CPNE8: variants seen among roughly 807,000 people sequenced by gnomAD.
The protein encoded by CPNE8 is copine 8.
Under a neutral mutation model 81.5 loss-of-function variants are expected in CPNE8, and 45 were observed. The ratio of observed to expected loss-of-function variants is 0.55; its 90% confidence interval spans 0.44 to 0.71. The LOEUF (loss-of-function observed/expected upper bound fraction) is 0.71. CPNE8 is among the 30% of genes least tolerant of loss of function. The pLI, the probability that CPNE8 is intolerant of heterozygous loss-of-function variation, is 0.00. For missense variants in CPNE8, 594 were observed against 672.1 expected (o/e 0.88, Z 1.28); for synonymous variants, 252 against 226.3 (o/e 1.11, Z -1.02).
intron 16 of CPNE8, among the ~76,000 whole-genome samples, chr12:38,684,880 C>T (rs1041800490): frequency 3.3e-5 from 5 of 151,824 alleles, no homozygotes; most frequent in East Asian, 3.9e-4. Flanking sequence ...TATGTACTAA[C>T]GAAAAAATGA....
intron 10 of CPNE8, among the ~76,000 whole-genome samples, chr12:38,740,079 C>T (rs997382318): frequency 6.6e-6 from 1 of 152,070 alleles, no homozygotes; most frequent in African/African-American, 2.4e-5. Context: ...AACAAAAATC[C>T]CACTGTGAAT....
intron 19 of CPNE8, among the ~76,000 whole-genome samples, chr12:38,662,328 A>G (rs1938977039): frequency 6.6e-6 from 1 of 152,186 alleles, no homozygotes; most frequent in Non-Finnish European, 1.5e-5. Context: ...CAAAATCAAC[A>G]TACAACCATC....
intron 6 of CPNE8, among the ~76,000 whole-genome samples, chr12:38,808,632 T>A (rs976016588): frequency 4.1e-5 from 6 of 146,778 alleles, no homozygotes; most frequent in African/African-American, 7.5e-5. Context: ...AGGGATAGCA[T>A]TAGGAGATAT....
intron 14 of CPNE8, among the ~76,000 whole-genome samples, chr12:38,696,649 T>G (rs1169120723): frequency 6.6e-6 from 1 of 152,214 alleles, no homozygotes; most frequent in African/African-American, 2.4e-5. Flanking sequence ...CTGATTTTGC[T>G]TTAGAGATGT....
chr12:38,869,628 C>T (rs1457116188), intron 3 of CPNE8, among the ~76,000 whole-genome samples: 1 of 152,144 alleles, frequency 6.6e-6, no homozygotes, highest in African/African-American at 2.4e-5. Flanking sequence ...TTGTCTCTTG[C>T]ATTTCGCACT....
At chr12:38,851,153 T>A (rs1943640054) in intron 3 of CPNE8, among the ~76,000 whole-genome samples, 1 of 152,200 alleles carries the variant, frequency 6.6e-6, no homozygotes, top group African/African-American at 2.4e-5. Context: ...TTAAATTACG[T>A]GGTCTCAGGT....
intron 19 of CPNE8, among the ~76,000 whole-genome samples, chr12:38,658,854 G>GCAC (rs1938887045): frequency 6.6e-6 from 1 of 152,166 alleles, no homozygotes; most frequent in Non-Finnish European, 1.5e-5. Context: ...CATGCTGAGA[G>GCAC]ATTTTGTCAC....
intron 13 of CPNE8, among the ~76,000 whole-genome samples, chr12:38,715,659 A>T (rs143601981): frequency 1.1e-4 from 17 of 152,214 alleles, no homozygotes; most frequent in Non-Finnish European, 2.4e-4. Flanking sequence ...AATAAAAGCC[A>T]TATATGACAA....
intron 10 of CPNE8, among the ~76,000 whole-genome samples, chr12:38,752,240 A>G (rs1941365659): frequency 6.6e-6 from 1 of 152,200 alleles, no homozygotes; most frequent in Non-Finnish European, 1.5e-5. Flanking sequence ...CAGCAAGGGC[A>G]GGGTTAATAT....
chr12:38,737,497 T>C (rs1394980173), intron 10 of CPNE8, among the ~76,000 whole-genome samples: 1 of 152,172 alleles, frequency 6.6e-6, no homozygotes, highest in Admixed American at 6.6e-5. Flanking sequence ...CTCATTTACA[T>C]ACTGGGATAA....
chr12:38,867,967 T>A (rs1464432824), intron 3 of CPNE8, among the ~76,000 whole-genome samples: 1 of 152,204 alleles, frequency 6.6e-6, no homozygotes, highest in African/African-American at 2.4e-5. Context: ...CAGATTAATT[T>A]TAAATAATTT....
intron 18 of CPNE8, among the ~76,000 whole-genome samples, chr12:38,673,162 C>G: frequency 6.6e-6 from 1 of 152,170 alleles, no homozygotes; most frequent in East Asian, 1.9e-4. Context: ...CACATGCTCT[C>G]TCTCTCTCCT....
At chr12:38,831,637 A>C (rs1273663989) in intron 5 of CPNE8, among the ~76,000 whole-genome samples, 6 of 152,260 alleles carry the variant, frequency 3.9e-5, no homozygotes, top group Non-Finnish European at 8.8e-5. Context: ...TTTAAGATAA[A>C]GCTTTCCCAT....
chr12:38,654,823 G>A (rs1049760518), intron 19 of CPNE8, among the ~76,000 whole-genome samples: 3 of 152,042 alleles, frequency 2.0e-5, no homozygotes, highest in Non-Finnish European at 4.4e-5. Flanking sequence ...TTCTGGATAA[G>A]AAATGAGTAT....
intron 3 of CPNE8, among the ~76,000 whole-genome samples, chr12:38,852,506 G>A (rs1479974960): frequency 1.3e-5 from 2 of 151,948 alleles, no homozygotes. Flanking sequence ...GGAGGCTGAG[G>A]CAGGAGAATC....
intron 3 of CPNE8, among the ~76,000 whole-genome samples, chr12:38,871,364 C>T (rs1193380605): frequency 2.0e-5 from 3 of 152,162 alleles, no homozygotes; most frequent in African/African-American, 4.8e-5. Flanking sequence ...GAAGCAAAGC[C>T]ATTTTGTGGA....
chr12:38,734,663 T>C (rs1295574659), intron 10 of CPNE8, among the ~76,000 whole-genome samples: 2 of 152,072 alleles, frequency 1.3e-5, no homozygotes, highest in Admixed American at 1.3e-4. Context: ...ACCTTAAAAT[T>C]GGAGGTAATG....
At chr12:38,826,559 A>G (rs1044674701) in intron 6 of CPNE8, among the ~76,000 whole-genome samples, 3 of 152,216 alleles carry the variant, frequency 2.0e-5, no homozygotes, top group Non-Finnish European at 4.4e-5. Context: ...CAACATCTGC[A>G]TATTCTACCA....
intron 10 of CPNE8, among the ~76,000 whole-genome samples, chr12:38,737,446 C>T (rs867971092): frequency 4.6e-5 from 7 of 152,004 alleles, no homozygotes; most frequent in African/African-American, 9.7e-5. Context: ...CACAGTAGTT[C>T]AAAAAATTTT....
Sources: allele counts gnomAD v4.1 joint callset (sites outside exome capture counted in the v4.1 genomes callset), GRCh38; gene constraint gnomAD v4.1.1; transcripts MANE v1.5; gene names NCBI Gene and HGNC (gene_info 2026-07-23, HGNC 2026-07-21).